Variants in STXBP5L observed in about 807,000 individuals in gnomAD.
STXBP5L encodes the protein syntaxin-binding protein 5-like.
In STXBP5L, 65 loss-of-function variants were observed where a neutral mutation model predicts 144.5. That is an observed-to-expected ratio of 0.45 (90% CI 0.37 to 0.55). The LOEUF is 0.55. Ranked by LOEUF, STXBP5L falls within the 20% of genes least tolerant of loss-of-function variation. The probability of loss-of-function intolerance (pLI) is 0.00; values close to 1 mark genes in which losing one functional copy is unlikely to be tolerated. For synonymous variants in STXBP5L, 505 were observed against 469.6 expected, an observed-to-expected ratio of 1.08 and a Z score of -0.97; for missense variants, 1,298 against 1,405.5, an observed-to-expected ratio of 0.92 and a Z score of 1.22.
intron 20 of STXBP5L, among the ~76,000 whole-genome samples, chr3:121,346,825 T>G (rs966870714): frequency 2.0e-5 from 3 of 152,246 alleles, no homozygotes; most frequent in Admixed American, 6.5e-5. Flanking sequence ...TAAATTTGTT[T>G]GAGTTCATTG....
chr3:121,078,905 C>T (rs552061666), intron 5 of STXBP5L, among the ~76,000 whole-genome samples: 115 of 152,366 alleles, frequency 7.5e-4, no homozygotes, highest in African/African-American at 2.5e-3. Flanking sequence ...GCAATTGCCA[C>T]GCGCAGCCCC....
intron 20 of STXBP5L, among the ~76,000 whole-genome samples, chr3:121,355,349 A>C (rs6809661): frequency 0.47 from 72,144 of 151,920 alleles, 17,645 homozygotes; most frequent in East Asian, 0.71. Context: ...TAGTCTTTTC[A>C]TATAGTCCCA....
chr3:121,342,018 G>A (rs749910935), intron 20 of STXBP5L, among the ~76,000 whole-genome samples: 4 of 151,834 alleles, frequency 2.6e-5, no homozygotes, highest in Admixed American at 6.6e-5. Context: ...ACAAAGGAAG[G>A]GTAATTGCTT....
Position 121,260,647 on chromosome 3 carries a change from G to A in STXBP5L, c.1958+1479G>A, listed in dbSNP as rs145177060. ...GATGGCTAAGAATTGTGCCAATACC[G>A]TTTCCTGAATACTTCATCTTTCTAT... On this transcript the variant is annotated intron_variant, in intron 18 of 26. Transcript: ENST00000471454. Among the ~76,000 whole-genome samples, 464 of 151,994 alleles carry A rather than the reference G, an allele frequency of 3.1e-3. 3 individuals carry two copies. The highest frequency in any genetic ancestry group is 0.01 in the African/African-American group (432 of 41,510).
intron 20 of STXBP5L, among the ~76,000 whole-genome samples, chr3:121,363,135 T>G (rs2045763368): frequency 1.3e-5 from 2 of 152,114 alleles, no homozygotes; most frequent in South Asian, 4.1e-4. Context: ...TCTCCACTCT[T>G]TTCTCTCCTG....
At chr3:121,276,116 T>C (rs1369888258) in intron 18 of STXBP5L, among the ~76,000 whole-genome samples, 1 of 151,766 alleles carries the variant, frequency 6.6e-6, no homozygotes, top group Non-Finnish European at 1.5e-5. Context: ...CAGGGAAAGA[T>C]TGCATATCTT....
Position 121,422,695 on chromosome 3 carries a change from G to A in STXBP5L, c.*3598G>A, listed in dbSNP as rs944889422. 1.3e-4 allele frequency: 20 copies of A among 152,276 alleles called. No homozygotes were observed. Among genetic ancestry groups the A allele is most frequent in the Non-Finnish European group, 7.4e-5 (5 of 68,024 alleles). The allele number at this position is 152,276 out of a possible 1,614,324, so 9.4% of individuals were successfully genotyped here. Reference sequence around the variant, plus strand: ...TGAAAGGACAGTGACAGAACTGAATGAGATGTTTTCCAGTGATTCAGTCAC... The same window carrying A: ...TGAAAGGACAGTGACAGAACTGAATAAGATGTTTTCCAGTGATTCAGTCAC... On this transcript the variant is annotated 3_prime_UTR_variant, in exon 27 of 27. Transcript: ENST00000471454.
rs576487554 is a variant in STXBP5L, at chr3:121,265,479, G to GATA, written c.1958+6312_1958+6313insTAA. 2.0e-5 allele frequency among the ~76,000 whole-genome samples: 3 copies of GATA among 152,328 alleles called. No homozygotes were observed. In the South Asian group the frequency reaches 6.2e-4, roughly 32 times the overall value. ...TGGGACACAGCTAAAGCAGTGTTTA[G>GATA]AGGGACATTTACAGCACTAAATGCT... On this transcript the variant is annotated intron_variant, in intron 18 of 26. Transcript: ENST00000471454.
chr3:120,920,936 C>G (rs1042856244), intron 2 of STXBP5L, among the ~76,000 whole-genome samples: 4 of 151,870 alleles, frequency 2.6e-5, no homozygotes, highest in African/African-American at 9.7e-5. Context: ...GTGAGTAGTG[C>G]TGCAATAAAT....
At chr3:120,997,514 A>G (rs922026116) in intron 3 of STXBP5L, among the ~76,000 whole-genome samples, 2 of 152,056 alleles carry the variant, frequency 1.3e-5, no homozygotes, top group South Asian at 4.1e-4. Context: ...TGTGATTTTA[A>G]TGTGCATTTC....
In STXBP5L at chr3:121,094,414, T is replaced by C. The variant is rs1157284852; in HGVS notation, c.471-20511T>C. On this transcript the variant is annotated intron_variant, in intron 5 of 26. Transcript: ENST00000471454. The stretch of plus-strand genomic sequence containing the variant: ...ATTATTGTGTGGGAGTCTAAGTCTC[T>C]TTATAGGTCACTCAGGACTTGCTTT... 3.3e-5 allele frequency among the ~76,000 whole-genome samples: 5 copies of C among 152,244 alleles called. No individual in the cohort carries two copies. In the East Asian group the frequency reaches 5.8e-4, roughly 18 times the overall value.
At chr3:121,142,850 A>G (rs6786136) in intron 7 of STXBP5L, among the ~76,000 whole-genome samples, 18,964 of 151,818 alleles carry the variant, frequency 0.12, 1,568 homozygotes, top group Non-Finnish European at 0.19. Flanking sequence ...AGAGCAAACT[A>G]AGCACAAATG....
chr3:120,981,628 G>T (rs1169214728), intron 3 of STXBP5L, among the ~76,000 whole-genome samples: 5 of 151,992 alleles, frequency 3.3e-5, no homozygotes, highest in Non-Finnish European at 7.4e-5. Context: ...CTGTCTCTTG[G>T]ATCTTATTGA....
chr3:121,409,953 T>C (rs2047078836), intron 23 of STXBP5L, among the ~76,000 whole-genome samples: 2 of 149,788 alleles, frequency 1.3e-5, no homozygotes, highest in East Asian at 3.9e-4. Context: ...TTGAGAGTGT[T>C]TTTTTTTTTA....
At chr3:120,997,562 A>T (rs115114508) in intron 3 of STXBP5L, among the ~76,000 whole-genome samples, 2,979 of 152,228 alleles carry the variant, frequency 0.02, 43 homozygotes, top group Non-Finnish European at 0.031. Flanking sequence ...CTTGTTGGCC[A>T]TGTGTATGTC....
chr3:121,380,143 G>A (rs181166263), intron 21 of STXBP5L, among the ~76,000 whole-genome samples: 61 of 152,230 alleles, frequency 4.0e-4, no homozygotes, highest in African/African-American at 1.4e-3. Flanking sequence ...GTAATGAGAG[G>A]TGGGAATTTT....
At chr3:121,187,893 C>A (rs926321178) in intron 9 of STXBP5L, among the ~76,000 whole-genome samples, 2 of 151,890 alleles carry the variant, frequency 1.3e-5, no homozygotes, top group South Asian at 2.1e-4. Context: ...CGGTTGCAAT[C>A]CTACTCTCTG....
At chr3:121,297,200 A>ATG (rs1377713743) in intron 19 of STXBP5L, among the ~76,000 whole-genome samples, 14 of 68,728 alleles carry the variant, frequency 2.0e-4, no homozygotes, top group Admixed American at 1.7e-3. Flanking sequence ...ATTCTACATT[A>ATG]TATGTGTGTG....
intron 5 of STXBP5L, among the ~76,000 whole-genome samples, chr3:121,069,096 G>A (rs1016674892): frequency 3.3e-5 from 5 of 152,020 alleles, no homozygotes; most frequent in Admixed American, 1.3e-4. Context: ...ACACAAAATG[G>A]TTCTATCACC....
Sources: gnomAD v4.1 joint callset for allele counts (sites outside exome capture counted in the v4.1 genomes callset) on GRCh38, gnomAD v4.1.1 for gene constraint, MANE v1.5 for transcripts, NCBI Gene and HGNC (gene_info 2026-07-23, HGNC 2026-07-21) for gene names.